The following NRG3 variants were observed in gnomAD, a reference collection of about 807,000 sequenced individuals.
NRG3 encodes the protein neuregulin 3.
NRG3 carries 31 observed loss-of-function variants against 66.9 expected under a neutral mutation model. The observed-to-expected ratio is 0.46, with a 90% CI of 0.35 to 0.63. The LOEUF is 0.63. Among genes scored for constraint, NRG3 ranks in the 20% least tolerant of loss-of-function variants. NRG3 has a pLI of 0.00. For synonymous variants in NRG3, 393 were observed against 359.4 expected, an observed-to-expected ratio of 1.09 and a Z score of -1.06; for missense variants, 910 against 878.9, an observed-to-expected ratio of 1.04 and a Z score of -0.45.
At chr10:82,521,508 T>G (rs1846177149) in intron 2 of NRG3, among the ~76,000 whole-genome samples, 1 of 151,754 alleles carries the variant, frequency 6.6e-6, no homozygotes, top group East Asian at 1.9e-4. Flanking sequence ...GCCCTGCTAT[T>G]TTTTTGTATT....
At chr10:82,078,749 C>T (rs905633102) in intron 1 of NRG3, among the ~76,000 whole-genome samples, 6 of 152,142 alleles carry the variant, frequency 3.9e-5, no homozygotes, top group Non-Finnish European at 7.3e-5. Flanking sequence ...TTTTAAACTG[C>T]GATAGAAGTA....
chr10:82,848,623 G>T (rs1380172555), intron 3 of NRG3, among the ~76,000 whole-genome samples: 1 of 152,134 alleles, frequency 6.6e-6, no homozygotes, highest in East Asian at 1.9e-4. Context: ...GAATTATGAG[G>T]ACATGAGATT....
intron 4 of NRG3, among the ~76,000 whole-genome samples, chr10:82,879,512 G>T (rs1224124525): frequency 2.2e-5 from 3 of 134,628 alleles, no homozygotes; most frequent in African/African-American, 8.5e-5. Flanking sequence ...TCCCTCTGTC[G>T]CCCAGGCTGG....
chr10:82,277,411 A>G (rs2078907846), intron 1 of NRG3, among the ~76,000 whole-genome samples: 2 of 152,064 alleles, frequency 1.3e-5, no homozygotes, highest in Admixed American at 1.3e-4. Context: ...GTTGTTTAAA[A>G]CCATGCTTAT....
At chr10:81,972,228 A>G (rs1310917254) in intron 1 of NRG3, among the ~76,000 whole-genome samples, 1 of 152,224 alleles carries the variant, frequency 6.6e-6, no homozygotes, top group Non-Finnish European at 1.5e-5. Flanking sequence ...AGGAAATTAA[A>G]GAATATCTAT....
At chr10:82,179,347 C>G (rs1366599110) in intron 1 of NRG3, among the ~76,000 whole-genome samples, 1 of 151,914 alleles carries the variant, frequency 6.6e-6, no homozygotes, top group Admixed American at 6.6e-5. Context: ...AAGCTTTTCC[C>G]TTGTGGTTTA....
intron 2 of NRG3, among the ~76,000 whole-genome samples, chr10:82,453,866 T>A (rs990708345): frequency 6.6e-6 from 1 of 151,978 alleles, no homozygotes; most frequent in Admixed American, 6.5e-5. Context: ...GCAGGGGAGG[T>A]CCACTGTGGG....
intron 1 of NRG3, among the ~76,000 whole-genome samples, chr10:82,300,355 C>T (rs1057348230): frequency 2.0e-5 from 3 of 152,038 alleles, no homozygotes; most frequent in African/African-American, 7.2e-5. Flanking sequence ...TATACCATTC[C>T]TTTTACTTTT....
intron 3 of NRG3, among the ~76,000 whole-genome samples, chr10:82,820,577 T>A (rs1165580424): frequency 6.6e-6 from 1 of 152,202 alleles, no homozygotes; most frequent in Non-Finnish European, 1.5e-5. Flanking sequence ...AGCCCTCAAC[T>A]TTTTATTAAT....
intron 2 of NRG3, among the ~76,000 whole-genome samples, chr10:82,627,143 C>T (rs2049487371): frequency 6.6e-6 from 1 of 152,064 alleles, no homozygotes; most frequent in Non-Finnish European, 1.5e-5. Flanking sequence ...TCCAGAAGTC[C>T]TGTGGACTCT....
chr10:81,988,075 G>A (rs544355116), intron 1 of NRG3, among the ~76,000 whole-genome samples: 12 of 152,162 alleles, frequency 7.9e-5, no homozygotes, highest in African/African-American at 2.6e-4. Flanking sequence ...AATAAACTAG[G>A]AAAACAAAGA....
intron 2 of NRG3, among the ~76,000 whole-genome samples, chr10:82,494,210 A>G (rs868522424): frequency 4.6e-5 from 7 of 152,212 alleles, no homozygotes; most frequent in Non-Finnish European, 1.0e-4. Flanking sequence ...AACCAGAAAT[A>G]TCATTTGACC....
At chr10:82,673,716 G>GA (rs2053464703) in intron 2 of NRG3, among the ~76,000 whole-genome samples, 2 of 152,214 alleles carry the variant, frequency 1.3e-5, no homozygotes, top group Non-Finnish European at 2.9e-5. Flanking sequence ...TCTTCACTGG[G>GA]CTTTCAGACA....
At chr10:82,805,688 G>A (rs181898093) in intron 3 of NRG3, among the ~76,000 whole-genome samples, 9 of 152,260 alleles carry the variant, frequency 5.9e-5, no homozygotes, top group East Asian at 1.9e-4. Flanking sequence ...AAGAGGTGAC[G>A]TGGTCTTGAA....
chr10:82,066,758 T>C (rs2133287261), intron 1 of NRG3, among the ~76,000 whole-genome samples: 1 of 152,286 alleles, frequency 6.6e-6, no homozygotes, highest in South Asian at 2.1e-4. Flanking sequence ...CAGTAAACAT[T>C]GGGATCAGCC....
At chr10:82,728,638 T>C (rs1330375730) in intron 2 of NRG3, among the ~76,000 whole-genome samples, 1 of 152,222 alleles carries the variant, frequency 6.6e-6, no homozygotes, top group African/African-American at 2.4e-5. Flanking sequence ...ACAACCTTTC[T>C]AGTCTGGACA....
At chr10:82,354,249 G>A (rs1458432819) in intron 1 of NRG3, among the ~76,000 whole-genome samples, 1 of 151,326 alleles carries the variant, frequency 6.6e-6, no homozygotes, top group Non-Finnish European at 1.5e-5. Flanking sequence ...CTATGTTGTC[G>A]AGGCTGGTCA....
intron 2 of NRG3, among the ~76,000 whole-genome samples, chr10:82,548,058 T>A (rs79044780): frequency 2.0e-4 from 29 of 148,668 alleles, no homozygotes; most frequent in African/African-American, 4.8e-4. Flanking sequence ...TTTTTTTTTT[T>A]AAATCATGGA....
At chr10:82,225,978 T>C (rs1362873115) in intron 1 of NRG3, among the ~76,000 whole-genome samples, 1 of 152,164 alleles carries the variant, frequency 6.6e-6, no homozygotes, top group Non-Finnish European at 1.5e-5. Flanking sequence ...TCGAGACTTG[T>C]ATTACTTTTT....
Sources: gnomAD v4.1 joint callset for allele counts (sites outside exome capture counted in the v4.1 genomes callset) on GRCh38, gnomAD v4.1.1 for gene constraint, MANE v1.5 for transcripts, NCBI Gene and HGNC (gene_info 2026-07-23, HGNC 2026-07-21) for gene names.